Variants in KIF4A observed in about 807,000 individuals in gnomAD.
KIF4A encodes kinesin family member 4A.
A neutral mutation model predicts 105.9 loss-of-function variants in KIF4A; 7 were observed. The observed-to-expected ratio is 0.07, with a 90% confidence interval of 0.04 to 0.12. KIF4A has a LOEUF of 0.12. Ranked by LOEUF, KIF4A falls within the 10% of genes least tolerant of loss-of-function variation. The pLI is 1.00. For missense variants in KIF4A, 558 were observed against 929.2 expected (o/e 0.60, Z 5.19); for synonymous variants, 281 against 331.3 (o/e 0.85, Z 1.65).
At chrX:70,410,331 A>G (rs1405850486) in intron 28 of KIF4A, among the ~76,000 whole-genome samples, 1 of 112,030 alleles carries the variant, frequency 8.9e-6, no homozygotes, top group African/African-American at 3.2e-5. Flanking sequence ...GTCCAGAGTT[A>G]ATGGCTTCCT....
chrX:70,290,234 G>T, intron 1 of KIF4A, 84 bp downstream of exon 1: 1 of 383,132 alleles, frequency 2.6e-6, no homozygotes, highest in Non-Finnish European at 4.4e-6. Context: ...CGTCCCCGTT[G>T]GAGTTTTTTC....
intron 22 of KIF4A, among the ~76,000 whole-genome samples, chrX:70,400,597 A>G (rs1463016100): frequency 3.6e-5 from 4 of 111,874 alleles, no homozygotes; most frequent in Admixed American, 2.9e-4. Flanking sequence ...CTAGAACAAC[A>G]TGTCACAAAA....
At chrX:70,406,157 A>G in intron 26 of KIF4A, 102 bp from the exon 27 acceptor site, 1 of 656,301 alleles carries the variant, frequency 1.5e-6, no homozygotes, top group Non-Finnish European at 2.4e-6. Context: ...TCACTTTACT[A>G]TGGTTTAACG....
At chrX:70,306,674 G>A (rs548361211) in intron 7 of KIF4A, among the ~76,000 whole-genome samples, 28 of 110,749 alleles carry the variant, frequency 2.5e-4, no homozygotes, top group African/African-American at 9.2e-4. Flanking sequence ...GTAAGTAGCT[G>A]AGACTACAGA....
intron 15 of KIF4A, among the ~76,000 whole-genome samples, chrX:70,356,373 G>C (rs1469983692): frequency 9.0e-6 from 1 of 111,412 alleles, no homozygotes; most frequent in Non-Finnish European, 1.9e-5. Flanking sequence ...CCAGAAGTTC[G>C]AGACCAGCCT....
chrX:70,384,351 A>T (rs773248812), intron 18 of KIF4A, among the ~76,000 whole-genome samples: 1 of 111,970 alleles, frequency 8.9e-6, no homozygotes, highest in African/African-American at 3.2e-5. Flanking sequence ...GGAAACAGCT[A>T]GTTTGAAGAG....
intron 20 of KIF4A, among the ~76,000 whole-genome samples, chrX:70,388,412 A>T (rs2086225839): frequency 9.0e-6 from 1 of 111,605 alleles, no homozygotes; most frequent in Non-Finnish European, 1.9e-5. Flanking sequence ...GATAGCTAGG[A>T]GTAAAATGGC....
chrX:70,340,215 A>AGG (rs758174720), intron 10 of KIF4A, among the ~76,000 whole-genome samples: 1 of 112,024 alleles, frequency 8.9e-6, no homozygotes, highest in African/African-American at 3.2e-5. Context: ...CTTACCTCAT[A>AGG]GGGGCTATTG....
At chrX:70,377,177 A>G (rs913339928) in intron 18 of KIF4A, among the ~76,000 whole-genome samples, 3 of 111,217 alleles carry the variant, frequency 2.7e-5, no homozygotes, top group African/African-American at 9.8e-5. Flanking sequence ...GTCTCAAGCA[A>G]TCCTCCCACC....
intron 15 of KIF4A, among the ~76,000 whole-genome samples, chrX:70,373,417 C>T (rs1367200705): frequency 5.5e-5 from 5 of 90,790 alleles, no homozygotes; most frequent in African/African-American, 2.0e-4. Context: ...GATGTGGTGG[C>T]ACACACCTGT....
In KIF4A at chrX:70,393,133, C is replaced by T. The variant is rs1010303512; in HGVS notation, c.2233-2538C>T. On this transcript the variant is annotated intron_variant, in intron 20 of 30. Transcript: ENST00000374403. ...ACAAATTTTCATAATGTTATATTTTCACTTTCATTCAATTCAAAATACATT... is the reference window on the plus strand; with the variant it reads ...ACAAATTTTCATAATGTTATATTTTTACTTTCATTCAATTCAAAATACATT... Among the ~76,000 whole-genome samples, 3 of 110,519 alleles carry T rather than the reference C, an allele frequency of 2.7e-5. No individual in the cohort carries two copies. In the Admixed American group the frequency reaches 2.9e-4, roughly 11 times the overall value.
intron 15 of KIF4A, among the ~76,000 whole-genome samples, chrX:70,367,125 A>C (rs947527532): frequency 9.0e-6 from 1 of 110,588 alleles, no homozygotes; most frequent in African/African-American, 3.3e-5. Flanking sequence ...CCATCCCTTT[A>C]TTTTGAGCCT....
chrX:70,362,314 G>A, intron 15 of KIF4A: 1 of 329,633 alleles, frequency 3.0e-6, no homozygotes, highest in Admixed American at 3.1e-5. Flanking sequence ...TTCTCCGTGG[G>A]GGTGCTGCGG....
intron 5 of KIF4A, among the ~76,000 whole-genome samples, chrX:70,301,114 G>C (rs2085802845): frequency 9.0e-6 from 1 of 111,520 alleles, no homozygotes; most frequent in African/African-American, 3.3e-5. Flanking sequence ...GTGAGTTTTT[G>C]AGAATATGAG....
chrX:70,348,807 C>G (rs1486985999), intron 13 of KIF4A, among the ~76,000 whole-genome samples: 2 of 112,121 alleles, frequency 1.8e-5, no homozygotes, highest in Admixed American at 1.9e-4. Context: ...CACATTTCCC[C>G]CTCTTCTTTT....
At chrX:70,353,874 A>G (rs2086041141) in intron 15 of KIF4A, 67 bp downstream of exon 15, 1 of 882,177 alleles carries the variant, frequency 1.1e-6, no homozygotes, top group Non-Finnish European at 1.6e-6. Flanking sequence ...GGAAGAAAAC[A>G]ACAAGCATAT....
chrX:70,398,079 C>G (rs2086267242), intron 22 of KIF4A, among the ~76,000 whole-genome samples: 1 of 111,962 alleles, frequency 8.9e-6, no homozygotes, highest in South Asian at 3.7e-4. Flanking sequence ...TCACTCTTGC[C>G]CAGGCTGGAG....
chrX:70,380,588 AG>A (rs1801394240), intron 18 of KIF4A, among the ~76,000 whole-genome samples: 1 of 111,999 alleles, frequency 8.9e-6, no homozygotes, highest in Admixed American at 9.6e-5. Context: ...ATGGTGAAAA[AG>A]AGCATACTTT....
intron 13 of KIF4A, among the ~76,000 whole-genome samples, chrX:70,349,156 GAT>G (rs2086009407): frequency 1.3e-5 from 1 of 76,047 alleles, no homozygotes; most frequent in Non-Finnish European, 2.5e-5. Context: ...CATCCCAGAC[GAT>G]GGGCGGCCGG....
Sources: allele counts gnomAD v4.1 joint callset (sites outside exome capture counted in the v4.1 genomes callset), GRCh38; gene constraint gnomAD v4.1.1; transcripts MANE v1.5; gene names NCBI Gene and HGNC (gene_info 2026-07-23, HGNC 2026-07-21).